The following NOS1AP variants were observed in gnomAD, a reference collection of about 807,000 sequenced individuals.
NOS1AP encodes the protein carboxyl-terminal PDZ ligand of neuronal nitric oxide synthase protein.
NOS1AP carries 21 observed loss-of-function variants against 56.2 expected under a neutral mutation model. The ratio of observed to expected loss-of-function variants is 0.37; its 90% CI spans 0.26 to 0.54. The LOEUF is 0.54. Ranked by LOEUF, NOS1AP falls within the 20% of genes least tolerant of loss-of-function variation. The pLI is 0.84. For missense variants in NOS1AP, 522 were observed against 657.8 expected (o/e 0.79, Z 2.26); for synonymous variants, 270 against 274.6 (o/e 0.98, Z 0.17).
chr1:162,348,338 G>T (rs1350709590), intron 6 of NOS1AP, among the ~76,000 whole-genome samples: 1 of 152,204 alleles, frequency 6.6e-6, no homozygotes, highest in African/African-American at 2.4e-5. Context: ...GTGAGACTGG[G>T]AGGCTGAGCA....
intron 4 of NOS1AP, among the ~76,000 whole-genome samples, chr1:162,331,837 G>A (rs1158539994): frequency 2.4e-5 from 3 of 124,024 alleles, no homozygotes; most frequent in Non-Finnish European, 5.5e-5. Context: ...GGCCCTGGGG[G>A]GGCCCTGTCC....
chr1:162,334,582 TAA>T (rs1656880221), intron 5 of NOS1AP, among the ~76,000 whole-genome samples: 2 of 152,304 alleles, frequency 1.3e-5, no homozygotes, highest in South Asian at 4.1e-4. Context: ...GGCTCGTCTG[TAA>T]GGTTCTGACA....
chr1:162,179,571 A>G (rs990274263), intron 2 of NOS1AP, among the ~76,000 whole-genome samples: 1 of 152,230 alleles, frequency 6.6e-6, no homozygotes, highest in Admixed American at 6.5e-5. Flanking sequence ...TGCAGCGATT[A>G]TGCAAAAACA....
chr1:162,297,718 AC>A (rs1655516473), intron 3 of NOS1AP, among the ~76,000 whole-genome samples: 1 of 152,198 alleles, frequency 6.6e-6, no homozygotes, highest in Non-Finnish European at 1.5e-5. Context: ...AGAAAAAAAA[AC>A]ATGATAGATA....
At chr1:162,294,847 T>C (rs969197567) in intron 3 of NOS1AP, among the ~76,000 whole-genome samples, 3 of 152,190 alleles carry the variant, frequency 2.0e-5, no homozygotes, top group Non-Finnish European at 4.4e-5. Context: ...TAGGACTAAT[T>C]AATCTGCTCC....
At chr1:162,219,950 A>G (rs922524191) in intron 2 of NOS1AP, among the ~76,000 whole-genome samples, 2 of 152,128 alleles carry the variant, frequency 1.3e-5, no homozygotes, top group African/African-American at 4.8e-5. Context: ...TTTATTTTTG[A>G]GACAGGGTCT....
chr1:162,163,959 G>C (rs142955120), intron 2 of NOS1AP, among the ~76,000 whole-genome samples: 6,750 of 152,218 alleles, frequency 0.044, 180 homozygotes, highest in Middle Eastern at 0.078. Flanking sequence ...TTTAAACTGG[G>C]GCAGAACTGC....
intron 5 of NOS1AP, among the ~76,000 whole-genome samples, chr1:162,334,384 G>A (rs1656872389): frequency 6.6e-6 from 1 of 152,164 alleles, no homozygotes; most frequent in Admixed American, 6.6e-5. Context: ...CATAAATGAG[G>A]CTAAGTCAAG....
chr1:162,265,760 T>G (rs1321602161), intron 2 of NOS1AP, among the ~76,000 whole-genome samples: 1 of 152,220 alleles, frequency 6.6e-6, no homozygotes, highest in African/African-American at 2.4e-5. Flanking sequence ...GAGTTGAACC[T>G]AAATCTGTGT....
chr1:162,286,330 G>A (rs766360302), intron 2 of NOS1AP, among the ~76,000 whole-genome samples: 13 of 152,300 alleles, frequency 8.5e-5, no homozygotes, highest in Middle Eastern at 3.4e-3. Flanking sequence ...AAAAGGTCCC[G>A]GAGAAGGGAT....
intron 1 of NOS1AP, among the ~76,000 whole-genome samples, chr1:162,100,192 C>T (rs1250911887): frequency 6.6e-6 from 1 of 152,108 alleles, no homozygotes; most frequent in Non-Finnish European, 1.5e-5. Context: ...GTTCCAGATC[C>T]CTGAGGAATC....
At chr1:162,126,858 T>C (rs1001810122) in intron 1 of NOS1AP, among the ~76,000 whole-genome samples, 1 of 152,232 alleles carries the variant, frequency 6.6e-6, no homozygotes, top group African/African-American at 2.4e-5. Flanking sequence ...GCAACTTTGC[T>C]ATGTATTGCC....
In NOS1AP at chr1:162,355,249, G is replaced by A. The variant is rs148930944; in HGVS notation, c.658G>A (p.Ala220Thr). The change falls in exon 7 of 10, where the codon GCG (alanine) becomes ACG (threonine). Residue 220 changes from alanine to threonine, a missense_variant. This residue lies in a region of NOS1AP where 178 missense variants were observed against 165.0 expected (regional missense o/e 1.08). Transcript: ENST00000361897. ...CACTGCAGAGGAGACTGACATCGAT[G>A]CGGTGGAGGTCCCACTTCCAGGGAA... Reference protein sequence around the residue: ...TATAEETDIDAVEVPLPGNDV... With the variant: ...TATAEETDIDTVEVPLPGNDV... The A allele has an allele frequency of 8.1e-6, 13 of 1,614,200 alleles. No homozygotes were observed. The African/African-American group carries it at 1.7e-4, about 22-fold the overall frequency.
rs1203479621 is a variant in NOS1AP, at chr1:162,081,744, C to CTATATATA, written c.105+11467_105+11468insATATATAT. Among the ~76,000 whole-genome samples, 3 of 85,250 alleles carry CTATATATA rather than the reference C, an allele frequency of 3.5e-5. No homozygotes were observed. The Admixed American group carries it at 4.5e-4, about 13-fold the overall frequency. 55.9% of individuals were successfully genotyped at this position (85,250 alleles called of 152,430 possible). On this transcript the variant is annotated intron_variant, in intron 1 of 9. Transcript: ENST00000361897. Reference sequence around the variant, plus strand: ...CATATCTATATCTATATATCTATATCTATATCTATAGATATATATATATAT... The same window carrying CTATATATA: ...CATATCTATATCTATATATCTATATCTATATATATATATCTATAGATATATATATATAT...
intron 2 of NOS1AP, among the ~76,000 whole-genome samples, chr1:162,178,342 T>A (rs1651135942): frequency 6.6e-6 from 1 of 152,240 alleles, no homozygotes; most frequent in African/African-American, 2.4e-5. Flanking sequence ...ACATAAGTTT[T>A]CATTCCATTT....
At chr1:162,189,203 T>C (rs1023611491) in intron 2 of NOS1AP, among the ~76,000 whole-genome samples, 4 of 152,232 alleles carry the variant, frequency 2.6e-5, no homozygotes, top group African/African-American at 9.6e-5. Flanking sequence ...CAGTTTTTTA[T>C]ATGTTGAACA....
At chr1:162,311,227 C>G in intron 4 of NOS1AP, among the ~76,000 whole-genome samples, 1 of 152,312 alleles carries the variant, frequency 6.6e-6, no homozygotes, top group East Asian at 1.9e-4. Context: ...GCACATTCCT[C>G]TGTTCTTCTG....
At chr1:162,303,657 G>A (rs954151229) in intron 4 of NOS1AP, among the ~76,000 whole-genome samples, 4 of 152,090 alleles carry the variant, frequency 2.6e-5, no homozygotes, top group Admixed American at 2.6e-4. Flanking sequence ...GCCCAGGCTG[G>A]TCTTGAACTG....
At chr1:162,264,446 T>TCTCCTCTCC (rs1557855253) in intron 2 of NOS1AP, among the ~76,000 whole-genome samples, 34 of 1,524 alleles carry the variant, frequency 0.022, no homozygotes, top group East Asian at 0.17. Flanking sequence ...TTCTCTTCTC[T>TCTCCTCTCC]TCTCTTCTCT....
Sources: allele counts gnomAD v4.1 joint callset (sites outside exome capture counted in the v4.1 genomes callset), GRCh38; gene constraint gnomAD v4.1.1; regional missense constraint gnomAD v4.1.1; transcripts MANE v1.5; gene names NCBI Gene and HGNC (gene_info 2026-07-23, HGNC 2026-07-21).